Variants in YWHAB observed in about 807,000 individuals in gnomAD.
YWHAB encodes 14-3-3 protein beta/alpha.
Under a neutral mutation model 28.5 loss-of-function variants are expected in YWHAB, and 2 were observed. The observed-to-expected ratio is 0.07, with a 90% CI of 0.03 to 0.22. The LOEUF is 0.22. Ranked by LOEUF, YWHAB falls within the 10% of genes least tolerant of loss-of-function variation. The probability of loss-of-function intolerance (pLI) is 1.00; values close to 1 mark genes in which losing one functional copy is unlikely to be tolerated. For synonymous variants in YWHAB, 103 were observed against 104.7 expected (o/e 0.98, Z 0.10); for missense variants, 148 against 297.1 (o/e 0.50, Z 3.69).
At position 44,907,189 on chromosome 20, in the gene YWHAB, A is replaced by G. The variant is rs774838793; in HGVS notation, c.*751A>G. On this transcript the variant is annotated 3_prime_UTR_variant, in exon 6 of 6. Transcript: ENST00000353703. ...ACCAATTTGCAACTTGTGCTTCAAT[A>G]GTGGAATCTACTTTCATTGTTAACA... The G allele has an allele frequency of 1.3e-5, 2 of 152,236 alleles. No homozygotes were observed. The highest frequency in any genetic ancestry group is 2.9e-5 in the Non-Finnish European group (2 of 68,044). The allele number at this position is 152,236 out of a possible 1,614,324, so 9.4% of individuals were successfully genotyped here. A position where few individuals can be genotyped will look rare whatever the true frequency, so the allele number is the denominator to read the frequency against.
At chr20:44,905,194 T>C (rs1374748537) in intron 4 of YWHAB, 63 bp downstream of exon 4, 1 of 1,510,108 alleles carries the variant, frequency 6.6e-7, no homozygotes, top group Non-Finnish European at 8.9e-7. Flanking sequence ...TTAACTTCAT[T>C]TTATTCCTGA....
At position 44,899,306 on chromosome 20, in the gene YWHAB, C is replaced by T. The variant is rs574410780; in HGVS notation, c.-3-2225C>T. ...CCAGCCTGGCCAAAAATGGCAAAATCCCATCTCTACTAAAAATACAAAAGT... is the reference window on the plus strand; with the variant it reads ...CCAGCCTGGCCAAAAATGGCAAAATTCCATCTCTACTAAAAATACAAAAGT... On this transcript the variant is annotated intron_variant, in intron 1 of 5. Transcript: ENST00000353703. 6.6e-5 allele frequency among the ~76,000 whole-genome samples: 10 copies of T among 152,312 alleles called. No individual in the cohort carries two copies. In the South Asian group the frequency reaches 1.2e-3, roughly 19 times the overall value.
chr20:44,890,604 G>A (rs901197935), intron 1 of YWHAB, among the ~76,000 whole-genome samples: 2 of 144,856 alleles, frequency 1.4e-5, no homozygotes, highest in Admixed American at 7.3e-5. Context: ...TCTGAAGCCC[G>A]GGTTCAAGCA....
intron 1 of YWHAB, among the ~76,000 whole-genome samples, chr20:44,893,984 A>C (rs2066580003): frequency 6.6e-6 from 1 of 152,108 alleles, no homozygotes; most frequent in African/African-American, 2.4e-5. Context: ...CACGTAAGCC[A>C]GTGCACCTGG....
intron 1 of YWHAB, among the ~76,000 whole-genome samples, chr20:44,892,459 CTCTTT>C (rs2145526489): frequency 6.6e-6 from 1 of 151,848 alleles, no homozygotes; most frequent in Non-Finnish European, 1.5e-5. Flanking sequence ...TATACATGTG[CTCTTT>C]TCTTGTGTTT....
chr20:44,887,134 C>T (rs765679563), intron 1 of YWHAB: 14 of 152,196 alleles, frequency 9.2e-5, no homozygotes, highest in Non-Finnish European at 1.6e-4. Flanking sequence ...TGAATTTCTT[C>T]TTGACTGCTT....
intron 1 of YWHAB, among the ~76,000 whole-genome samples, chr20:44,896,948 C>G (rs2066599625): frequency 6.6e-6 from 1 of 152,176 alleles, no homozygotes; most frequent in South Asian, 2.1e-4. Context: ...ATATTTGAAA[C>G]AGATAAATGG....
chr20:44,903,907 G>C, intron 2 of YWHAB, 86 bp from the exon 3 acceptor site: 1 of 1,448,484 alleles, frequency 6.9e-7, no homozygotes, highest in South Asian at 1.3e-5. Flanking sequence ...AAATTATTTA[G>C]AAGCAGTAGT....
At chr20:44,889,266 C>G (rs1041717817) in intron 1 of YWHAB, among the ~76,000 whole-genome samples, 6 of 152,250 alleles carry the variant, frequency 3.9e-5, no homozygotes, top group African/African-American at 1.4e-4. Flanking sequence ...GGGAATTTTT[C>G]TAAGGGGAAT....
In YWHAB at chr20:44,906,568, C is replaced by A; in HGVS notation, c.*130C>A. ...ACTTTCGATTTTTCACAGCCTCAGC[C>A]TAGGAAAAATGGTTCATGGGATAAA... On this transcript the variant is annotated 3_prime_UTR_variant, in exon 6 of 6. Transcript: ENST00000353703. 1 of 777,886 alleles carries A rather than the reference C, an allele frequency of 1.3e-6. No homozygotes were observed. The highest frequency in any genetic ancestry group is 1.9e-6 in the Non-Finnish European group (1 of 524,656). 48.2% of individuals were successfully genotyped at this position (777,886 alleles called of 1,614,324 possible). A position where few individuals can be genotyped will look rare whatever the true frequency, so the allele number is the denominator to read the frequency against.
chr20:44,886,007 T>C (rs2066524211), intron 1 of YWHAB, 121 bp downstream of exon 1: 1 of 152,170 alleles, frequency 6.6e-6, no homozygotes, highest in African/African-American at 2.4e-5. Flanking sequence ...GCGCTGCCTC[T>C]TTCGCTCCGC....
rs2066651498 is a variant in YWHAB at position 44,905,634 on chromosome 20, C to A, written c.589-367C>A. ...AAATCAGATTTAGTGATGTGAGTTT[C>A]CAGACATTTTGAGTTTTAGTTTAAA... On this transcript the variant is annotated intron_variant, in intron 4 of 5. Coordinates refer to ENST00000353703, the MANE Select transcript of YWHAB (RefSeq NM_139323.4). The A allele has an allele frequency of 4.1e-5, 7 of 169,112 alleles. No individual in the cohort carries two copies. The South Asian group carries it at 1.2e-3, about 29-fold the overall frequency. 10.5% of individuals were successfully genotyped at this position (169,112 alleles called of 1,614,324 possible). A position where few individuals can be genotyped will look rare whatever the true frequency, so the allele number is the denominator to read the frequency against.
At chr20:44,899,485 AACAG>A (rs2066614407) in intron 1 of YWHAB, among the ~76,000 whole-genome samples, 1 of 152,228 alleles carries the variant, frequency 6.6e-6, no homozygotes, top group Non-Finnish European at 1.5e-5. Flanking sequence ...GTCTCAAACA[AACAG>A]ACAAAGCACA....
At chr20:44,895,995 T>G (rs897051567) in intron 1 of YWHAB, among the ~76,000 whole-genome samples, 1 of 152,198 alleles carries the variant, frequency 6.6e-6, no homozygotes, top group Non-Finnish European at 1.5e-5. Context: ...GTGGGAGATA[T>G]GTCCAAAGGA....
rs539522672 is a variant in YWHAB at position 44,905,858 on chromosome 20, G to A, written c.589-143G>A. ...ATGCCTTATACTTCTGCTGGAAACA[G>A]CTAACAGACAGGGTAATAATAGCCT... On this transcript the variant is annotated intron_variant, in intron 4 of 5. Transcript: ENST00000353703. 1.2e-3 allele frequency: 747 copies of A among 633,218 alleles called. 2 individuals carry two copies. The highest frequency in any genetic ancestry group is 1.8e-3 in the Non-Finnish European group (623 of 354,298). The allele number at this position is 633,218 out of a possible 1,614,324, so 39.2% of individuals were successfully genotyped here.
rs1476970183 is a variant in YWHAB, at chr20:44,908,043, G to C, written c.*1605G>C. ...GAATTGAGAATAGTCAGGCCTATCA[G>C]TCTCACAGAATCACCCCTCTACCTT... is the stretch of plus-strand genomic sequence containing the variant. On this transcript the variant is annotated 3_prime_UTR_variant, in exon 6 of 6. Transcript: ENST00000353703. The C allele has an allele frequency of 2.0e-5, 3 of 152,340 alleles. No homozygotes were observed. The highest frequency in any genetic ancestry group is 4.4e-5 in the Non-Finnish European group (3 of 68,024). 9.4% of individuals were successfully genotyped at this position (152,340 alleles called of 1,614,324 possible).
chr20:44,898,570 G>A (rs1297662498), intron 1 of YWHAB, among the ~76,000 whole-genome samples: 1 of 151,362 alleles, frequency 6.6e-6, no homozygotes, highest in Non-Finnish European at 1.5e-5. Flanking sequence ...GTGCAGTGGC[G>A]CGATCTCTGC....
At chr20:44,888,248 TTTA>T (rs1368691609) in intron 1 of YWHAB, among the ~76,000 whole-genome samples, 1 of 152,230 alleles carries the variant, frequency 6.6e-6, no homozygotes, top group Admixed American at 6.5e-5. Context: ...CCATTTGTGA[TTTA>T]TTCACCAACT....
intron 5 of YWHAB, 77 bp downstream of exon 5, chr20:44,906,173 G>T: frequency 7.7e-7 from 1 of 1,292,316 alleles, no homozygotes; most frequent in South Asian, 1.3e-5. Flanking sequence ...CTTCAAGAGG[G>T]GATTTGTACC....
Sources: allele counts gnomAD v4.1 joint callset (sites outside exome capture counted in the v4.1 genomes callset), GRCh38; gene constraint gnomAD v4.1.1; transcripts MANE v1.5; gene names NCBI Gene and HGNC (gene_info 2026-07-23, HGNC 2026-07-21).